The following EXTL3 variants were observed in gnomAD, a reference collection of about 807,000 sequenced individuals.
EXTL3 encodes the protein exostosin-like 3.
In EXTL3, 27 loss-of-function variants were observed where a neutral mutation model predicts 69.3. The observed-to-expected ratio is 0.39, with a 90% CI of 0.29 to 0.54. The LOEUF (loss-of-function observed/expected upper bound fraction) is 0.54, where lower values mean the gene tolerates loss of function less well. Ranked by LOEUF, EXTL3 falls within the 20% of genes least tolerant of loss-of-function variation. The probability of loss-of-function intolerance (pLI) is 0.69; values close to 1 mark genes in which losing one functional copy is unlikely to be tolerated. For synonymous variants in EXTL3, 511 were observed against 499.4 expected (o/e 1.02, Z -0.31); for missense variants, 1,003 against 1,231.8 (o/e 0.81, Z 2.78).
chr8:28,618,858 G>C (rs1039925407), upstream of EXTL3, among the ~76,000 whole-genome samples: 1 of 151,856 alleles, frequency 6.6e-6, no homozygotes, highest in Non-Finnish European at 1.5e-5. Flanking sequence ...GCTGAGGCTG[G>C]TGGATCACGA....
At chr8:28,672,568 C>G (rs1246171440) in intron 1 of EXTL3, among the ~76,000 whole-genome samples, 1 of 152,172 alleles carries the variant, frequency 6.6e-6, no homozygotes, top group African/African-American at 2.4e-5. Context: ...TGATCAGCAT[C>G]AATATCACCT....
chr8:28,658,366 T>C (rs1807048211), intron 1 of EXTL3, among the ~76,000 whole-genome samples: 1 of 152,172 alleles, frequency 6.6e-6, no homozygotes, highest in Non-Finnish European at 1.5e-5. Flanking sequence ...GTTTTCACCC[T>C]CCCTAATCCA....
chr8:28,669,575 G>A (rs1807253005), intron 1 of EXTL3, among the ~76,000 whole-genome samples: 1 of 152,188 alleles, frequency 6.6e-6, no homozygotes, highest in African/African-American at 2.4e-5. Context: ...GGGAAATGGA[G>A]GGCAGAAAGC....
chr8:28,612,949 G>A (rs1563424454), intron 2 of EXTL3, among the ~76,000 whole-genome samples: 1 of 151,234 alleles, frequency 6.6e-6, no homozygotes, highest in Non-Finnish European at 1.5e-5. Context: ...AAACTCCTGA[G>A]CTTATGTGTT....
chr8:28,685,815 G>C (rs1239562662), intron 1 of EXTL3: 1 of 150,694 alleles, frequency 6.6e-6, no homozygotes, highest in Non-Finnish European at 1.5e-5. Context: ...TGTATATTAT[G>C]TATGTGTGTG....
chr8:28,727,002 CTGAG>C (rs1017860362), intron 3 of EXTL3, among the ~76,000 whole-genome samples: 12 of 151,234 alleles, frequency 7.9e-5, no homozygotes, highest in African/African-American at 2.9e-4. Context: ...CCTCAGCCTC[CTGAG>C]TAACTGGGAT....
intron 2 of EXTL3, among the ~76,000 whole-genome samples, chr8:28,608,250 G>A (rs958751955): frequency 1.8e-4 from 27 of 152,092 alleles, no homozygotes; most frequent in Admixed American, 1.4e-3. Context: ...CCTTGGGAAA[G>A]GGTTCAGGGT....
At chr8:28,658,534 C>T (rs1408584519) in intron 1 of EXTL3, among the ~76,000 whole-genome samples, 1 of 152,170 alleles carries the variant, frequency 6.6e-6, no homozygotes, top group African/African-American at 2.4e-5. Context: ...TGTTCCCCCC[C>T]TGCCCCCGCA....
In EXTL3 at chr8:28,717,430, C is replaced by T. The variant is rs147171231; in HGVS notation, c.1371C>T (p.Val457=). The T allele has an allele frequency of 1.0e-4, 161 of 1,614,060 alleles. No homozygotes were observed. The highest frequency in any genetic ancestry group is 3.5e-4 in the African/African-American group (26 of 74,930). ...CACGGCTCTTCGAAGCCCTGGAAGT[C>T]GGTGCCGTCCCGGTGGTGCTGGGGG... ...CATRLFEALE[V]GAVPVVLGEQ... Residue 457 remains valine, a synonymous_variant, in exon 3 of 7, where the codon GTC becomes GTT. Coordinates refer to ENST00000220562, the MANE Select transcript of EXTL3 (RefSeq NM_001440.4). The surrounding 1 kb of genome is among the most constrained non-coding windows in gnomAD (Gnocchi z 8.3).
At chr8:28,613,674 C>T (rs1289328498) in intron 2 of EXTL3, among the ~76,000 whole-genome samples, 1 of 152,132 alleles carries the variant, frequency 6.6e-6, no homozygotes, top group African/African-American at 2.4e-5. Flanking sequence ...AGGTATAGAT[C>T]TATTCAAATT....
chr8:28,688,739 C>CTA, intron 1 of EXTL3, among the ~76,000 whole-genome samples: 1 of 152,208 alleles, frequency 6.6e-6, no homozygotes. Context: ...GGGTAAAACG[C>CTA]TATAGTAAGG....
intron 1 of EXTL3, chr8:28,637,387 A>AG (rs1201360561): frequency 6.6e-6 from 1 of 152,282 alleles, no homozygotes; most frequent in Non-Finnish European, 1.5e-5. Context: ...TGGAGACAGG[A>AG]GAGACTGTCA....
At chr8:28,659,906 G>A (rs933781155) in intron 1 of EXTL3, among the ~76,000 whole-genome samples, 1 of 152,238 alleles carries the variant, frequency 6.6e-6, no homozygotes, top group Middle Eastern at 3.4e-3. Flanking sequence ...GGGTCCAGGG[G>A]TTTTCACACT....
At chr8:28,687,697 C>A (rs1807600080) in intron 1 of EXTL3, among the ~76,000 whole-genome samples, 1 of 152,038 alleles carries the variant, frequency 6.6e-6, no homozygotes, top group Admixed American at 6.6e-5. Flanking sequence ...AAAAAGATGG[C>A]TAAGGGTGGA....
At chr8:28,608,366 G>C (rs900351807) in intron 2 of EXTL3, among the ~76,000 whole-genome samples, 4 of 152,016 alleles carry the variant, frequency 2.6e-5, no homozygotes, top group Non-Finnish European at 5.9e-5. Context: ...CAGTGAAAAT[G>C]AACACTCCCC....
At chr8:28,734,144 T>C (rs1463359794) in intron 4 of EXTL3, among the ~76,000 whole-genome samples, 1 of 152,198 alleles carries the variant, frequency 6.6e-6, no homozygotes, top group Non-Finnish European at 1.5e-5. Flanking sequence ...TATCACGTTA[T>C]AAGAGTTCTT....
chr8:28,711,259 G>A lies in EXTL3; in HGVS notation c.-569-2198G>A, dbSNP rs147860947. Among the ~76,000 whole-genome samples the A allele has an allele frequency of 4.2e-3, 633 of 152,196 alleles. 1 individual carries two copies. Among genetic ancestry groups the A allele is most frequent in the Middle Eastern group, 0.02 (6 of 294 alleles). ...TCATTCTTGTAGGTTTTTCAAACCA[G>A]TGACAAACCTCTTTGTTTTCTTGAT... On this transcript the variant is annotated intron_variant, in intron 1 of 6. Coordinates refer to ENST00000220562, the MANE Select transcript of EXTL3 (RefSeq NM_001440.4).
chr8:28,691,572 A>ATTTTTTTTTTT (rs71222571), intron 1 of EXTL3, among the ~76,000 whole-genome samples: 28,369 of 133,226 alleles, frequency 0.21, 3,307 homozygotes, highest in Middle Eastern at 0.27. Flanking sequence ...AGTTTTTGTG[A>ATTTTTTTTTTT]TTTTTTTTTT....
intron 1 of EXTL3, among the ~76,000 whole-genome samples, chr8:28,653,505 C>T (rs1203373664): frequency 6.6e-6 from 1 of 152,064 alleles, no homozygotes; most frequent in Non-Finnish European, 1.5e-5. Context: ...ATAGTTCTGC[C>T]TCTTAAATTT....
Sources: gnomAD v4.1 joint callset for allele counts (sites outside exome capture counted in the v4.1 genomes callset) on GRCh38, gnomAD v4.1.1 for gene constraint, Gnocchi (gnomAD v3.1) non-coding constraint, MANE v1.5 for transcripts, NCBI Gene and HGNC (gene_info 2026-07-23, HGNC 2026-07-21) for gene names.